The following STX18 variants were observed in gnomAD, a reference collection of about 807,000 sequenced individuals.
STX18 encodes syntaxin 18, also known as syntaxin-18.
In STX18, 40 loss-of-function variants were observed where a neutral mutation model predicts 50.1. The observed-to-expected ratio is 0.80, with a 90% CI of 0.62 to 1.04. The LOEUF is 1.04. Among genes scored for constraint, STX18 ranks in the 50% least tolerant of loss-of-function variants. The pLI is 0.00. For synonymous variants in STX18, 158 were observed against 151.8 expected, an observed-to-expected ratio of 1.04 and a Z score of -0.30; for missense variants, 410 against 415.8, an observed-to-expected ratio of 0.99 and a Z score of 0.12.
At chr4:4,462,761 G>A (rs1727447060) in intron 2 of STX18, among the ~76,000 whole-genome samples, 1 of 152,134 alleles carries the variant, frequency 6.6e-6, no homozygotes, top group Non-Finnish European at 1.5e-5. Context: ...AATGCCTCGG[G>A]GACAACAGTT....
chr4:4,460,366 T>C (rs1393269643), intron 2 of STX18, among the ~76,000 whole-genome samples: 1 of 152,130 alleles, frequency 6.6e-6, no homozygotes, highest in Non-Finnish European at 1.5e-5. Context: ...CTGTGCTCCC[T>C]AGTAAGTTCC....
intron 3 of STX18, among the ~76,000 whole-genome samples, chr4:4,459,062 GCACA>G (rs60704649): frequency 0.045 from 6,499 of 144,354 alleles, 224 homozygotes; most frequent in Admixed American, 0.088. Flanking sequence ...ACACACACAC[GCACA>G]CACACACACA....
At chr4:4,494,128 G>A (rs1729064859) in intron 1 of STX18, among the ~76,000 whole-genome samples, 1 of 152,140 alleles carries the variant, frequency 6.6e-6, no homozygotes, top group African/African-American at 2.4e-5. Flanking sequence ...ACATATACAT[G>A]AGCACACTGA....
At chr4:4,438,235 G>A (rs1296976175) in intron 6 of STX18, among the ~76,000 whole-genome samples, 159 bp downstream of exon 6, 2 of 152,234 alleles carry the variant, frequency 1.3e-5, no homozygotes, top group East Asian at 1.9e-4. Flanking sequence ...AAGATCAACT[G>A]TGACAGACAC....
chr4:4,445,857 A>C (rs1726373521), intron 5 of STX18, among the ~76,000 whole-genome samples: 1 of 152,234 alleles, frequency 6.6e-6, no homozygotes, highest in African/African-American at 2.4e-5. Flanking sequence ...GAAATATACA[A>C]AAAATCTAAA....
At chr4:4,527,873 T>TATATAC (rs1730869433) in intron 1 of STX18, among the ~76,000 whole-genome samples, 1 of 148,690 alleles carries the variant, frequency 6.7e-6, no homozygotes, top group Non-Finnish European at 1.5e-5. Context: ...CACACATATA[T>TATATAC]ATATATATTA....
At chr4:4,496,051 C>T (rs926942926) in intron 1 of STX18, among the ~76,000 whole-genome samples, 8 of 152,154 alleles carry the variant, frequency 5.3e-5, no homozygotes, top group African/African-American at 1.9e-4. Context: ...GTTAAACTTT[C>T]CATATACACT....
Position 4,434,829 on chromosome 4 carries a change from ATTCAGGTTGTGTT to A in STX18, c.630_642del (p.Glu210AspfsTer29), listed in dbSNP as rs1220987619. On this transcript the variant is annotated frameshift_variant, in exon 7 of 11. Transcript: ENST00000306200. LOFTEE classifies it high-confidence loss of function. Reference sequence around the variant, plus strand: ...CCTTTGCCATCTCCCCACGTTCCCAATTCAGGTTGTGTTTCAGCCAAAATTTTTTCTGTTAAAA... The same window carrying A: ...CCTTTGCCATCTCCCCACGTTCCCAATCAGCCAAAATTTTTTCTGTTAAAA... 3 of 1,603,158 alleles carry A rather than the reference ATTCAGGTTGTGTT, an allele frequency of 1.9e-6. No homozygotes were observed. The highest frequency in any genetic ancestry group is 2.5e-6 in the Non-Finnish European group (3 of 1,177,214).
At chr4:4,441,844 G>C (rs922598971) in intron 5 of STX18, among the ~76,000 whole-genome samples, 1 of 152,218 alleles carries the variant, frequency 6.6e-6, no homozygotes, top group South Asian at 2.1e-4. Flanking sequence ...CTAAAGTATT[G>C]AAGGGGAAGG....
intron 5 of STX18, among the ~76,000 whole-genome samples, chr4:4,456,766 A>C (rs1002458097): frequency 6.6e-6 from 1 of 152,182 alleles, no homozygotes; most frequent in Non-Finnish European, 1.5e-5. Flanking sequence ...CAGGGACGAC[A>C]AGAAGGGGTA....
Position 4,420,686 on chromosome 4 carries a change from G to A in STX18, c.912+178C>T. 1.7e-6 allele frequency: 1 copy of A among 601,082 alleles called. No individual in the cohort carries two copies. Among genetic ancestry groups the A allele is most frequent in the Non-Finnish European group, 2.9e-6 (1 of 340,704 alleles). The allele number at this position is 601,082 out of a possible 1,614,324, so 37.2% of individuals were successfully genotyped here. ...CTGCCTCTCGAAAGCAGCTGGAGGT[G>A]GGCGACAGGTGGTGGGTCTCATGAA... On this transcript the variant is annotated intron_variant, in intron 10 of 10. Transcript: ENST00000306200. The surrounding 1 kb of genome is among the most constrained non-coding windows in gnomAD (Gnocchi z 4.3).
Position 4,457,434 on chromosome 4 carries a change from T to G in STX18, c.419A>C (p.Asp140Ala), listed in dbSNP as rs1293004739. The G allele has an allele frequency of 6.2e-7, 1 of 1,613,328 alleles. No individual in the cohort carries two copies. The highest frequency in any genetic ancestry group is 2.2e-5 in the East Asian group (1 of 44,888). The part of the protein sequence containing the change: ...HRTAVLDFIE[D>A]YLKRVCKLYS... Reference sequence around the variant, plus strand: ...AGAAAATGAAATACTTTTCAAGTAATCTTCAATGAAATCCAAAACAGCGGT... The same window carrying G: ...AGAAAATGAAATACTTTTCAAGTAAGCTTCAATGAAATCCAAAACAGCGGT... The change falls in exon 4 of 11, where the codon GAT becomes GCT. Residue 140 changes from aspartate to alanine, a missense_variant. Coordinates refer to ENST00000306200, the MANE Select transcript of STX18 (RefSeq NM_016930.4).
chr4:4,455,924 C>G (rs1727039021), intron 5 of STX18, among the ~76,000 whole-genome samples: 1 of 151,980 alleles, frequency 6.6e-6, no homozygotes, highest in African/African-American at 2.4e-5. Context: ...ATGTTGAGTC[C>G]CATGAGACCT....
chr4:4,510,096 G>A (rs1729928712), intron 1 of STX18, among the ~76,000 whole-genome samples: 1 of 152,134 alleles, frequency 6.6e-6, no homozygotes, highest in Non-Finnish European at 1.5e-5. Context: ...TTAGAACTAG[G>A]GGGCTGCAGG....
intron 2 of STX18, among the ~76,000 whole-genome samples, chr4:4,462,914 T>A (rs1443664809): frequency 6.6e-6 from 1 of 152,172 alleles, no homozygotes; most frequent in African/African-American, 2.4e-5. Context: ...AAGATGAGAA[T>A]CCATGCTGCA....
At chr4:4,456,554 A>C (rs1727085729) in intron 5 of STX18, among the ~76,000 whole-genome samples, 1 of 152,170 alleles carries the variant, frequency 6.6e-6, no homozygotes, top group Non-Finnish European at 1.5e-5. Flanking sequence ...GCCTTGGATG[A>C]GTCATTTACC....
At chr4:4,541,490 C>A (rs147517300) in intron 1 of STX18, among the ~76,000 whole-genome samples, 1 of 152,268 alleles carries the variant, frequency 6.6e-6, no homozygotes, top group East Asian at 1.9e-4. Flanking sequence ...GTAGTGACGG[C>A]GAACTCATGA....
chr4:4,485,564 G>C (rs1301659398), intron 1 of STX18, among the ~76,000 whole-genome samples: 1 of 152,172 alleles, frequency 6.6e-6, no homozygotes, highest in Non-Finnish European at 1.5e-5. Context: ...GAAAATGCTA[G>C]ACTCGCAGGC....
chr4:4,534,764 A>C (rs909140292), intron 1 of STX18, among the ~76,000 whole-genome samples: 3 of 152,278 alleles, frequency 2.0e-5, no homozygotes, highest in Non-Finnish European at 4.4e-5. Flanking sequence ...GTCATACAGT[A>C]AATATTTTAA....
Sources: gnomAD v4.1 joint callset for allele counts (sites outside exome capture counted in the v4.1 genomes callset) on GRCh38, gnomAD v4.1.1 for gene constraint, Gnocchi (gnomAD v3.1) non-coding constraint, MANE v1.5 for transcripts, NCBI Gene and HGNC (gene_info 2026-07-23, HGNC 2026-07-21) for gene names.